RNGTT: variants seen among roughly 807,000 people sequenced by gnomAD.
RNGTT encodes the protein mRNA-capping enzyme.
Under a neutral mutation model 79.3 loss-of-function variants are expected in RNGTT, and 33 were observed. That is an observed-to-expected ratio of 0.42 (90% confidence interval 0.32 to 0.56). The LOEUF (loss-of-function observed/expected upper bound fraction) is 0.56, where lower values mean the gene tolerates loss of function less well. RNGTT is among the 20% of genes least tolerant of loss of function. The pLI, the probability that RNGTT is intolerant of heterozygous loss-of-function variation, is 0.17. For synonymous variants in RNGTT, 222 were observed against 235.9 expected (o/e 0.94, Z 0.54); for missense variants, 497 against 739.1 (o/e 0.67, Z 3.80).
intron 14 of RNGTT, among the ~76,000 whole-genome samples, chr6:88,614,866 A>T (rs1028043231): frequency 6.6e-6 from 1 of 152,240 alleles, no homozygotes; most frequent in Non-Finnish European, 1.5e-5. Flanking sequence ...GAATACTAGG[A>T]TCAAATTCAG....
chr6:88,657,200 C>T (rs1369754656), intron 14 of RNGTT, among the ~76,000 whole-genome samples: 2 of 151,794 alleles, frequency 1.3e-5, no homozygotes, highest in Non-Finnish European at 2.9e-5. Flanking sequence ...ACTGTGAGTT[C>T]CCAAAGTATG....
chr6:88,791,566 G>A (rs564485683), intron 12 of RNGTT, among the ~76,000 whole-genome samples: 1 of 151,868 alleles, frequency 6.6e-6, no homozygotes, highest in African/African-American at 2.4e-5. Flanking sequence ...TTGAGACAGA[G>A]TCTGGCTCTG....
chr6:88,613,024 A>G lies in RNGTT; in HGVS notation c.1631-142T>C, dbSNP rs1582233269. 57 of 713,090 alleles carry G rather than the reference A, an allele frequency of 8.0e-5. No individual in the cohort carries two copies. In the South Asian group the frequency reaches 1.1e-3, roughly 14 times the overall value. 44.2% of individuals were successfully genotyped at this position (713,090 alleles called of 1,614,324 possible). A position where few individuals can be genotyped will look rare whatever the true frequency, so the allele number is the denominator to read the frequency against. On this transcript the variant is annotated intron_variant, in intron 15 of 15. Coordinates refer to ENST00000369485, the MANE Select transcript of RNGTT (RefSeq NM_003800.5). ...TGAGTGATGTGCTTCACATTGAACT[A>G]TCTCCTCCCTACCCTACACCCAAAA...
chr6:88,904,361 C>G (rs1783575483), intron 6 of RNGTT, among the ~76,000 whole-genome samples: 1 of 152,098 alleles, frequency 6.6e-6, no homozygotes, highest in African/African-American at 2.4e-5. Context: ...TCACTTTGAG[C>G]TCAGGAGTTC....
intron 14 of RNGTT, among the ~76,000 whole-genome samples, chr6:88,666,752 G>C (rs906711608): frequency 6.6e-6 from 1 of 152,190 alleles, no homozygotes; most frequent in African/African-American, 2.4e-5. Flanking sequence ...ATGTCCGCTG[G>C]ATATGCAGTG....
intron 6 of RNGTT, among the ~76,000 whole-genome samples, chr6:88,898,558 T>G (rs1261013518): frequency 2.0e-5 from 3 of 151,794 alleles, no homozygotes; most frequent in South Asian, 4.2e-4. Flanking sequence ...TCTATTTGCT[T>G]TCTCAAATAG....
At chr6:88,787,245 A>T (rs1373728928) in intron 12 of RNGTT, among the ~76,000 whole-genome samples, 1 of 152,210 alleles carries the variant, frequency 6.6e-6, no homozygotes, top group African/African-American at 2.4e-5. Flanking sequence ...CAAAAGGCAA[A>T]ATATGATAAA....
intron 11 of RNGTT, among the ~76,000 whole-genome samples, chr6:88,813,243 AT>A (rs1207547742): frequency 1.5e-4 from 23 of 152,304 alleles, no homozygotes; most frequent in Admixed American, 7.2e-4. Flanking sequence ...CACAGATCAA[AT>A]TTCCACCACA....
chr6:88,870,593 T>C (rs1181679603), intron 8 of RNGTT, among the ~76,000 whole-genome samples: 1 of 152,066 alleles, frequency 6.6e-6, no homozygotes, highest in African/African-American at 2.4e-5. Context: ...CTTAAGAATG[T>C]CTCAGTTTCC....
intron 14 of RNGTT, among the ~76,000 whole-genome samples, chr6:88,641,230 TCAGGAAGCTGAGGCAG>T (rs1231769238): frequency 6.6e-6 from 1 of 151,274 alleles, no homozygotes; most frequent in Non-Finnish European, 1.5e-5. Flanking sequence ...TCCCAGCTAC[TCAGGAAGCTGAGGCAG>T]GAGAATCACT....
intron 4 of RNGTT, 96 bp from the exon 5 acceptor site, chr6:88,906,536 GT>G: frequency 1.5e-6 from 1 of 653,264 alleles, no homozygotes; most frequent in Non-Finnish European, 2.6e-6. Context: ...ATTTCAGCTA[GT>G]TTATAAAATA....
chr6:88,915,436 A>T (rs943857543), intron 4 of RNGTT, among the ~76,000 whole-genome samples: 3 of 152,230 alleles, frequency 2.0e-5, no homozygotes, highest in African/African-American at 7.2e-5. Flanking sequence ...CTATGCAGCC[A>T]TAAAAAAGAA....
chr6:88,809,022 G>A (rs543107652), intron 11 of RNGTT, among the ~76,000 whole-genome samples: 14 of 151,880 alleles, frequency 9.2e-5, no homozygotes, highest in Admixed American at 4.6e-4. Flanking sequence ...TAAAGAGTCC[G>A]TTAGGTATAA....
intron 13 of RNGTT, among the ~76,000 whole-genome samples, chr6:88,757,006 G>C (rs2127833627): frequency 6.6e-6 from 1 of 152,242 alleles, no homozygotes; most frequent in South Asian, 2.1e-4. Flanking sequence ...CCACTTTTCA[G>C]TTTTAACAAC....
intron 11 of RNGTT, among the ~76,000 whole-genome samples, chr6:88,839,949 A>C (rs962830128): frequency 6.6e-6 from 1 of 152,246 alleles, no homozygotes; most frequent in African/African-American, 2.4e-5. Flanking sequence ...ACAAAGAGTT[A>C]TAGAGCAATA....
intron 13 of RNGTT, among the ~76,000 whole-genome samples, chr6:88,731,319 A>G (rs890958740): frequency 2.0e-5 from 3 of 152,228 alleles, no homozygotes; most frequent in African/African-American, 7.2e-5. Context: ...TTCACTTCCT[A>G]TTATCCAAAA....
chr6:88,752,175 T>A (rs1024674135), intron 13 of RNGTT, among the ~76,000 whole-genome samples: 7 of 152,064 alleles, frequency 4.6e-5, no homozygotes, highest in Admixed American at 1.3e-4. Flanking sequence ...ATATTAAATA[T>A]CCTCTCATCA....
intron 14 of RNGTT, among the ~76,000 whole-genome samples, chr6:88,661,029 C>T (rs908178301): frequency 6.6e-6 from 1 of 152,080 alleles, no homozygotes; most frequent in African/African-American, 2.4e-5. Context: ...CCAAACCATA[C>T]AAATACATAG....
intron 14 of RNGTT, 45 bp from the exon 15 acceptor site, chr6:88,614,440 G>A: frequency 6.3e-7 from 1 of 1,597,678 alleles, no homozygotes; most frequent in South Asian, 1.1e-5. Context: ...TAACTTGAAA[G>A]GCTTTTTGCT....
Sources: allele counts gnomAD v4.1 joint callset (sites outside exome capture counted in the v4.1 genomes callset), GRCh38; gene constraint gnomAD v4.1.1; transcripts MANE v1.5; gene names NCBI Gene and HGNC (gene_info 2026-07-23, HGNC 2026-07-21).